Variants in TOMM70 observed in about 807,000 individuals in gnomAD.
The protein encoded by TOMM70 is mitochondrial import receptor subunit TOM70.
Under a neutral mutation model 73.6 loss-of-function variants are expected in TOMM70, and 13 were observed. The observed-to-expected ratio is 0.18, with a 90% CI of 0.11 to 0.28. TOMM70 has a LOEUF of 0.28. TOMM70 is among the 10% of genes least tolerant of loss of function. The pLI, the probability that TOMM70 is intolerant of heterozygous loss-of-function variation, is 1.00. For synonymous variants in TOMM70, 257 were observed against 271.2 expected (o/e 0.95, Z 0.51); for missense variants, 609 against 747.5 (o/e 0.81, Z 2.16).
intron 1 of TOMM70, 113 bp from the exon 2 acceptor site, chr3:100,387,091 T>C (rs933187890): frequency 6.0e-5 from 66 of 1,102,420 alleles, no homozygotes; most frequent in Non-Finnish European, 8.1e-5. Context: ...GTTTACAATG[T>C]AAGTTGCTTC....
In TOMM70 at chr3:100,381,728, G is replaced by T; in HGVS notation, c.771C>A (p.Ile257=). 6.2e-7 allele frequency: 1 copy of T among 1,610,614 alleles called. No individual in the cohort carries two copies. The highest frequency in any genetic ancestry group is 1.1e-5 in the South Asian group (1 of 90,432). The change falls in exon 5 of 12, where the codon ATC becomes ATA. Residue 257 remains isoleucine, a synonymous_variant. Coordinates refer to ENST00000284320, the MANE Select transcript of TOMM70 (RefSeq NM_014820.5). Reference sequence around the variant, plus strand: ...CCGTGAAAGAACTGAAGTAAGATTTGATAAACTGTGGAGATGGCATCAGAG... The same window carrying T: ...CCGTGAAAGAACTGAAGTAAGATTTTATAAACTGTGGAGATGGCATCAGAG... ...REPLMPSPQF[I]KSYFSSFTDD...
chr3:100,389,029 A>AG (rs1276377529), intron 1 of TOMM70, among the ~76,000 whole-genome samples: 3 of 148,106 alleles, frequency 2.0e-5, no homozygotes, highest in Admixed American at 6.6e-5. Flanking sequence ...GGAAAGGCAT[A>AG]GAAAAAAAAA....
intron 1 of TOMM70, among the ~76,000 whole-genome samples, chr3:100,387,718 C>G (rs377071224): frequency 6.6e-6 from 1 of 151,760 alleles, no homozygotes; most frequent in South Asian, 2.1e-4. Flanking sequence ...TTGCTGCAAC[C>G]TCCACCTCCT....
rs1706523953 is a variant in TOMM70, at chr3:100,372,676, G to C, written c.1382C>G (p.Ala461Gly). The change falls in exon 9 of 12, where the codon GCT becomes GGT. Residue 461 changes from alanine to glycine, a missense_variant. By Grantham distance (60) the Ala-to-Gly change is moderately conservative. Coordinates refer to ENST00000284320, the MANE Select transcript of TOMM70 (RefSeq NM_014820.5). ...TGNNSSQIQA[A>G]MKGFEEVIKK... The stretch of plus-strand genomic sequence containing the variant: ...TATGACCTCTTCAAAACCTTTCATA[G>C]CTGCTTGGATTTGTGAAGAGTTGTT... The C allele has an allele frequency of 6.2e-7, 1 of 1,613,924 alleles. No homozygotes were observed. Among genetic ancestry groups the C allele is most frequent in the African/African-American group, 1.3e-5 (1 of 74,900 alleles).
chr3:100,377,755 C>T lies in TOMM70; in HGVS notation c.1042G>A (p.Ala348Thr). The change falls in exon 6 of 12, where the codon GCC becomes ACC. Residue 348 changes from alanine to threonine, a missense_variant. Around this residue, in one of 2 missense-constraint regions of TOMM70, gnomAD observed 432 missense variants for 584.1 expected, o/e 0.74. Transcript: ENST00000284320. ...FYLLIGNANA[A>T]KPDLDKVISL... ...ATGACTTTATCTAAATCTGGTTTGGCTGCATTGGCATTGCCAATAAGCAGG... is the reference window on the plus strand; with the variant it reads ...ATGACTTTATCTAAATCTGGTTTGGTTGCATTGGCATTGCCAATAAGCAGG... 2 of 1,614,176 alleles carry T rather than the reference C, an allele frequency of 1.2e-6. No individual in the cohort carries two copies. The highest frequency in any genetic ancestry group is 1.6e-4 in the Middle Eastern group (1 of 6,062).
intron 5 of TOMM70, among the ~76,000 whole-genome samples, chr3:100,381,325 A>G (rs1033844781): frequency 1.3e-5 from 2 of 152,194 alleles, no homozygotes; most frequent in African/African-American, 4.8e-5. Flanking sequence ...ACGGTCAGCC[A>G]CTGGATTCAA....
At chr3:100,396,609 A>C (rs919725926) in intron 1 of TOMM70, among the ~76,000 whole-genome samples, 2 of 152,200 alleles carry the variant, frequency 1.3e-5, no homozygotes, top group African/African-American at 4.8e-5. Context: ...ACAGATTGAG[A>C]AGCACTATGG....
At chr3:100,397,485 A>G (rs973018828) in intron 1 of TOMM70, among the ~76,000 whole-genome samples, 13 of 150,874 alleles carry the variant, frequency 8.6e-5, no homozygotes, top group African/African-American at 2.7e-4. Flanking sequence ...GGTAAGTGCA[A>G]ATGTTTTGCC....
chr3:100,372,806 T>A, intron 8 of TOMM70, 84 bp from the exon 9 acceptor site: 6 of 1,175,540 alleles, frequency 5.1e-6, no homozygotes, highest in Admixed American at 4.3e-5. Context: ...ATTACATAAA[T>A]ATTTCCAAAA....
intron 7 of TOMM70, 177 bp from the exon 8 acceptor site, chr3:100,373,822 A>C: frequency 2.1e-6 from 1 of 484,866 alleles, no homozygotes; most frequent in Non-Finnish European, 3.6e-6. Context: ...CAAGATTCCA[A>C]AACATAAAAA....
chr3:100,389,741 G>C (rs778050863), intron 1 of TOMM70, among the ~76,000 whole-genome samples: 1 of 152,152 alleles, frequency 6.6e-6, no homozygotes, highest in Non-Finnish European at 1.5e-5. Context: ...TCTAATAAAG[G>C]TTTAAAATAA....
intron 4 of TOMM70, among the ~76,000 whole-genome samples, chr3:100,383,571 C>T (rs1706660287): frequency 1.3e-5 from 2 of 150,540 alleles, no homozygotes; most frequent in African/African-American, 2.4e-5. Flanking sequence ...ACAGCCACTA[C>T]AGCTATACCC....
At position 100,400,876 on chromosome 3, in the gene TOMM70, C is replaced by T; in HGVS notation, c.74G>A (p.Gly25Asp). 1 of 1,528,222 alleles carries T rather than the reference C, an allele frequency of 6.5e-7. No homozygotes were observed. The highest frequency in any genetic ancestry group is 8.7e-7 in the Non-Finnish European group (1 of 1,144,522). 94.7% of individuals were successfully genotyped at this position (1,528,222 alleles called of 1,614,324 possible). ...CGTGCCCGGGCCCGCAGTCCCGCCG[C>T]CGCCCACCCCACTCCCGGAGCTCGG... ...AVPSSGSGVG[G>D]GGTAGPGTGG... The change falls in exon 1 of 12, where the codon GGC becomes GAC. Residue 25 changes from glycine (G) to aspartate (D), a missense_variant. Physicochemically the swap from Gly to Asp is moderately conservative, Grantham distance 94 (BLOSUM62 -1). Around this residue, in one of 2 missense-constraint regions of TOMM70, gnomAD observed 177 missense variants for 163.5 expected, o/e 1.08. Coordinates refer to ENST00000284320, the MANE Select transcript of TOMM70 (RefSeq NM_014820.5).
chr3:100,397,310 G>C (rs1706836321), intron 1 of TOMM70, among the ~76,000 whole-genome samples: 1 of 152,152 alleles, frequency 6.6e-6, no homozygotes, highest in Non-Finnish European at 1.5e-5. Context: ...ACTATTAAAA[G>C]AAGACAAAAG....
At chr3:100,365,758 C>T (rs368946911) in intron 11 of TOMM70, 41 bp from the exon 12 acceptor site, 1 of 1,608,578 alleles carries the variant, frequency 6.2e-7, no homozygotes. Flanking sequence ...TCAACAAGCA[C>T]TTCACAATAT....
rs1003427224 is a variant in TOMM70 at position 100,364,755 on chromosome 3, C to T, written c.*809G>A. The T allele has an allele frequency of 6.6e-6, 1 of 152,096 alleles. No homozygotes were observed. Among genetic ancestry groups the T allele is most frequent in the African/African-American group, 2.4e-5 (1 of 41,420 alleles). 9.4% of individuals were successfully genotyped at this position (152,096 alleles called of 1,614,324 possible). On this transcript the variant is annotated 3_prime_UTR_variant, in exon 12 of 12. Transcript: ENST00000284320. ...CTATCCTACATTTTTAAAAGCTCAC[C>T]ATTAAATAGTACTAATTATTATAGA...
intron 1 of TOMM70, 63 bp from the exon 2 acceptor site, chr3:100,387,041 T>C (rs776122844): frequency 2.3e-5 from 35 of 1,522,624 alleles, no homozygotes; most frequent in Non-Finnish European, 2.9e-5. Context: ...ACCACAGTAA[T>C]TAAACAATAA....
intron 1 of TOMM70, among the ~76,000 whole-genome samples, chr3:100,397,706 T>C (rs1222181458): frequency 6.6e-6 from 1 of 151,588 alleles, no homozygotes; most frequent in South Asian, 2.1e-4. Flanking sequence ...CTGGCGAACA[T>C]GGTGAAACCC....
At position 100,365,202 on chromosome 3, in the gene TOMM70, A is replaced by G. The variant is rs1706435009; in HGVS notation, c.*362T>C. The stretch of plus-strand genomic sequence containing the variant: ...GCTGTAAAATACTTACATTATTCAC[A>G]CATATATAGACGGAATCATCCAGAA... On this transcript the variant is annotated 3_prime_UTR_variant, in exon 12 of 12. Transcript: ENST00000284320. 1 of 181,990 alleles carries G rather than the reference A, an allele frequency of 5.5e-6. No homozygotes were observed. Among genetic ancestry groups the G allele is most frequent in the African/African-American group, 2.3e-5 (1 of 43,016 alleles). 11.3% of individuals were successfully genotyped at this position (181,990 alleles called of 1,614,324 possible). A position where few individuals can be genotyped will look rare whatever the true frequency, so the allele number is the denominator to read the frequency against.
Sources: gnomAD v4.1 joint callset for allele counts (sites outside exome capture counted in the v4.1 genomes callset) on GRCh38, gnomAD v4.1.1 for gene constraint, gnomAD v4.1.1 regional missense constraint, MANE v1.5 for transcripts, NCBI Gene and HGNC (gene_info 2026-07-23, HGNC 2026-07-21) for gene names.